The following TRRAP variants were observed in gnomAD, a reference collection of about 807,000 sequenced individuals.
TRRAP encodes the protein transformation/transcription domain associated protein, also known as transformation/transcription domain-associated protein.
A neutral mutation model predicts 438.8 loss-of-function variants in TRRAP; 41 were observed. That is an observed-to-expected ratio of 0.09 (90% CI 0.07 to 0.12). TRRAP has a LOEUF of 0.12. Among genes scored for constraint, TRRAP ranks in the 10% least tolerant of loss-of-function variants. TRRAP has a pLI of 1.00. For synonymous variants in TRRAP, 1,994 were observed against 1,962.9 expected, an observed-to-expected ratio of 1.02 and a Z score of -0.42; for missense variants, 3,122 against 5,055.1, an observed-to-expected ratio of 0.62 and a Z score of 11.60.
chr7:98,902,929 AAAT>A (rs1796539551), intron 11 of TRRAP, among the ~76,000 whole-genome samples: 1 of 133,470 alleles, frequency 7.5e-6, no homozygotes, highest in African/African-American at 2.5e-5. Context: ...AAAAAAAAGA[AAAT>A]TAGGCATGGT....
At chr7:98,999,368 C>T in intron 67 of TRRAP, 6 of 1,395,498 alleles carry the variant, frequency 4.3e-6, no homozygotes, top group Admixed American at 1.7e-5. Flanking sequence ...CCACATCCTG[C>T]ACAGCTCTCT....
intron 11 of TRRAP, among the ~76,000 whole-genome samples, chr7:98,903,078 G>A (rs1488441035): frequency 1.3e-5 from 2 of 151,956 alleles, no homozygotes; most frequent in Non-Finnish European, 2.9e-5. Flanking sequence ...CTGGAGTGCA[G>A]TGGCTTGATC....
chr7:98,941,466 G>T (rs78555317), intron 30 of TRRAP, among the ~76,000 whole-genome samples: 2,714 of 152,278 alleles, frequency 0.018, 83 homozygotes, highest in African/African-American at 0.061. Context: ...TACCGCGCCT[G>T]GCCATGTGCT....
At chr7:99,007,655 ATTC>A (rs988990036) in intron 69 of TRRAP, among the ~76,000 whole-genome samples, 2 of 144,656 alleles carry the variant, frequency 1.4e-5, no homozygotes, top group Non-Finnish European at 3.0e-5. Flanking sequence ...AGCCATGTTT[ATTC>A]TTATTTTTTA....
rs1373086338 is a variant in TRRAP at position 98,971,903 on chromosome 7, C to A, written c.7797C>A (p.Thr2599=). ...KDIGNQLHML[T]NRHDKFLDTL... The stretch of plus-strand genomic sequence containing the variant: ...TTGGAAACCAGCTGCACATGCTAAC[C>A]AACAGGCACGACAAGTTTCTGGACA... Residue 2599 remains threonine, a synonymous_variant, in exon 53 of 73, where the codon ACC becomes ACA. Transcript: ENST00000456197. 6.2e-7 allele frequency: 1 copy of A among 1,614,224 alleles called. No individual in the cohort carries two copies. Among genetic ancestry groups the A allele is most frequent in the Non-Finnish European group, 8.5e-7 (1 of 1,180,046 alleles).
At position 98,948,583 on chromosome 7, in the gene TRRAP, A is replaced by T; in HGVS notation, c.4686A>T (p.Arg1562=). The T allele has an allele frequency of 6.2e-7, 1 of 1,614,190 alleles. No homozygotes were observed. Among genetic ancestry groups the T allele is most frequent in the Non-Finnish European group, 8.5e-7 (1 of 1,180,034 alleles). The part of the protein sequence containing the change: ...AMLIEAGSPF[R]EPLIKFLTRH... Reference sequence around the variant, plus strand: ...TTTTGCAGGCGGGGAGTCCATTCCGAGAGCCCCTGATCAAGTTCCTGACTC... The same window carrying T: ...TTTTGCAGGCGGGGAGTCCATTCCGTGAGCCCCTGATCAAGTTCCTGACTC... Residue 1562 remains arginine, a synonymous_variant, in exon 35 of 73, where the codon CGA becomes CGT. Transcript: ENST00000456197. The surrounding 1 kb of genome is among the most constrained non-coding windows in gnomAD (Gnocchi z 4.9).
At chr7:98,953,581 A>G in intron 40 of TRRAP, 148 bp downstream of exon 40, 1 of 1,212,838 alleles carries the variant, frequency 8.2e-7, no homozygotes, top group Non-Finnish European at 1.1e-6. Context: ...GATTCCACTT[A>G]GAAGACCATA....
intron 62 of TRRAP, 106 bp from the exon 63 acceptor site, chr7:98,988,659 G>C (rs1793255766): frequency 9.8e-6 from 13 of 1,332,030 alleles, no homozygotes; most frequent in Non-Finnish European, 1.2e-5. Context: ...CATTGTGAAT[G>C]GACCAAATGC....
chr7:98,891,444 G>A (rs1273976441), intron 4 of TRRAP, among the ~76,000 whole-genome samples: 4 of 150,836 alleles, frequency 2.7e-5, no homozygotes, highest in South Asian at 4.2e-4. Context: ...CAGGTGATCC[G>A]CCCACCTCGG....
rs1554408871 is a variant in TRRAP at position 98,912,049 on chromosome 7, C to G, written c.2035C>G (p.Pro679Ala). 1 of 1,613,356 alleles carries G rather than the reference C, an allele frequency of 6.2e-7. No individual in the cohort carries two copies. Among genetic ancestry groups the G allele is most frequent in the Non-Finnish European group, 8.5e-7 (1 of 1,179,778 alleles). The change falls in exon 18 of 73, where the codon CCT (proline) becomes GCT (alanine). Residue 679 changes from proline (P) to alanine (A), a missense_variant. Pro to Ala is a conservative substitution (Grantham distance 27). Around this residue, in one of 24 missense-constraint regions of TRRAP, gnomAD observed 149 missense variants for 302.8 expected, o/e 0.49. Transcript: ENST00000456197. ...TGTTGCCAATTCCTTCTTGGCAAAT[C>G]CTACTACCTCTGCTCTGTTTGCTAC... ...QIVANSFLAN[P>A]TTSALFATIL...
chr7:98,981,001 G>C (rs1792889625), intron 58 of TRRAP, among the ~76,000 whole-genome samples: 2 of 152,158 alleles, frequency 1.3e-5, no homozygotes, highest in Admixed American at 1.3e-4. Context: ...AGTGTGCTAT[G>C]AGCATGACCC....
chr7:98,941,806 A>T (rs1790809489), intron 30 of TRRAP, among the ~76,000 whole-genome samples: 1 of 152,156 alleles, frequency 6.6e-6, no homozygotes, highest in Admixed American at 6.5e-5. Context: ...TTTCATGAAG[A>T]CCAGTTCATT....
At position 98,927,383 on chromosome 7, in the gene TRRAP, G is replaced by C. The variant is rs781976159; in HGVS notation, c.3175+17G>C. On this transcript the variant is annotated intron_variant, in intron 23 of 72. Transcript: ENST00000456197. ...AGCAGTGTGGTGAGCACGGGGGCAC[G>C]GTGGGGCACGGGATTGGTTCTTTGA... The C allele has an allele frequency of 6.2e-7, 1 of 1,613,394 alleles. No homozygotes were observed. Among genetic ancestry groups the C allele is most frequent in the South Asian group, 1.1e-5 (1 of 91,016 alleles).
chr7:98,987,885 T>C (rs550552859), intron 62 of TRRAP, among the ~76,000 whole-genome samples: 1 of 152,348 alleles, frequency 6.6e-6, no homozygotes, highest in East Asian at 1.9e-4. Flanking sequence ...TATCATGAGA[T>C]GTTGTTGGAC....
chr7:98,958,737 C>CT (rs1198312918), intron 44 of TRRAP, among the ~76,000 whole-genome samples: 1 of 152,108 alleles, frequency 6.6e-6, no homozygotes, highest in Non-Finnish European at 1.5e-5. Flanking sequence ...TCCAGGTGTT[C>CT]TTTTTGCATC....
Position 98,892,435 on chromosome 7 carries a change from G to T in TRRAP, c.273G>T (p.Lys91Asn). ...TTTTTTCTTGCCAGCAACTGCGGAA[G>T]CTCGTACTTGAAATAATTCATAGAA... ...LQEKPAQQLR[K>N]LVLEIIHRIP... Residue 91 changes from lysine to asparagine, a missense_variant, in exon 5 of 73, where the codon AAG becomes AAT. This residue lies in a region of TRRAP where 343 missense variants were observed against 564.0 expected (regional missense o/e 0.61). Transcript: ENST00000456197. The T allele has an allele frequency of 6.2e-7, 1 of 1,610,234 alleles. No individual in the cohort carries two copies. The highest frequency in any genetic ancestry group is 8.5e-7 in the Non-Finnish European group (1 of 1,179,160).
At chr7:98,916,043 C>T (rs1789506814) in intron 19 of TRRAP, among the ~76,000 whole-genome samples, 155 bp downstream of exon 19, 2 of 152,114 alleles carry the variant, frequency 1.3e-5, no homozygotes, top group South Asian at 2.1e-4. Flanking sequence ...GCCCCCCTCC[C>T]CTGGCCCTGG....
In TRRAP at chr7:98,896,664, G is replaced by A. The variant is rs111815437; in HGVS notation, c.507+844G>A. ...CTCCCAGAGTGCTGGGATTACAGGC[G>A]TGAGCCACTGCACCCAGCCTAAAGA... On this transcript the variant is annotated intron_variant, in intron 7 of 72. Coordinates refer to ENST00000456197, the MANE Select transcript of TRRAP (RefSeq NM_001375524.1). Among the ~76,000 whole-genome samples, 1,133 of 152,194 alleles carry A rather than the reference G, an allele frequency of 7.4e-3. 4 individuals are homozygous for A. Among genetic ancestry groups the A allele is most frequent in the African/African-American group, 0.018 (753 of 41,530 alleles).
In TRRAP at chr7:98,992,555, G is replaced by A. The variant is rs1001255462; in HGVS notation, c.9847+328G>A. On this transcript the variant is annotated intron_variant, in intron 65 of 72. Transcript: ENST00000456197. ...GCATCCCAATACACAGCAGATGCCA[G>A]CTGCCGTGTGTGTGTGTGTGTGTGT... 6.4e-5 allele frequency among the ~76,000 whole-genome samples: 9 copies of A among 139,856 alleles called. No homozygotes were observed. The South Asian group carries it at 2.0e-3, about 31-fold the overall frequency. The allele number at this position is 139,856 out of a possible 152,430, so 91.8% of individuals were successfully genotyped here.
Sources: allele counts gnomAD v4.1 joint callset (sites outside exome capture counted in the v4.1 genomes callset), GRCh38; gene constraint gnomAD v4.1.1; regional missense constraint gnomAD v4.1.1; non-coding constraint Gnocchi (gnomAD v3.1); transcripts MANE v1.5; gene names NCBI Gene and HGNC (gene_info 2026-07-23, HGNC 2026-07-21).